SMIM31: variants seen among roughly 807,000 people sequenced by gnomAD.
SMIM31 encodes the protein small integral membrane protein 31.
chr4:164,768,699 A>G (rs919416159), intron 1 of SMIM31, among the ~76,000 whole-genome samples: 1 of 152,188 alleles, frequency 6.6e-6, no homozygotes, highest in Non-Finnish European at 1.5e-5. Context: ...TCCGACCTAT[A>G]GCACTTAAAA....
chr4:164,796,174 G>A (rs1243597802), intron 2 of SMIM31, among the ~76,000 whole-genome samples: 1 of 152,096 alleles, frequency 6.6e-6, no homozygotes, highest in Non-Finnish European at 1.5e-5. Flanking sequence ...TCTATTGGCC[G>A]GGTGGTGTTC....
chr4:164,757,752 C>G (rs911481458), intron 1 of SMIM31, among the ~76,000 whole-genome samples: 6 of 152,034 alleles, frequency 3.9e-5, no homozygotes, highest in African/African-American at 7.2e-5. Flanking sequence ...AATTTTGAAC[C>G]CTTTATTTAG....
At chr4:164,758,472 T>A (rs1732596036) in intron 1 of SMIM31, among the ~76,000 whole-genome samples, 1 of 152,108 alleles carries the variant, frequency 6.6e-6, no homozygotes, top group Admixed American at 6.5e-5. Flanking sequence ...CACCTTTAAG[T>A]ATGGTGTTAG....
At chr4:164,754,663 CTA>C (rs1484015437) in intron 1 of SMIM31, among the ~76,000 whole-genome samples, 4 of 132,654 alleles carry the variant, frequency 3.0e-5, no homozygotes, top group Admixed American at 1.7e-4. Context: ...TTCTCTTTTG[CTA>C]TGTTTGGTTT....
intron 2 of SMIM31, among the ~76,000 whole-genome samples, chr4:164,789,377 C>T (rs979773629): frequency 1.3e-5 from 2 of 152,196 alleles, no homozygotes; most frequent in African/African-American, 4.8e-5. Flanking sequence ...AAAAAAGTTT[C>T]TCAAATATCT....
rs918847779 is a variant in SMIM31, at chr4:164,778,585, C to G, written c.112+8030C>G. On this transcript the variant is annotated intron_variant, in intron 2 of 2. Transcript: ENST00000507311. ...TTGAGTGTTCACTGTCTGCCAAGCA[C>G]TTAACATATTTAAGCCTCCTTTCAT... 2.0e-5 allele frequency among the ~76,000 whole-genome samples: 3 copies of G among 152,180 alleles called. No individual in the cohort carries two copies. The East Asian group carries it at 5.8e-4, about 29-fold the overall frequency.
At chr4:164,793,448 C>T (rs1733132752) in intron 2 of SMIM31, among the ~76,000 whole-genome samples, 1 of 152,122 alleles carries the variant, frequency 6.6e-6, no homozygotes, top group Non-Finnish European at 1.5e-5. Flanking sequence ...TATTAGTCTG[C>T]CATAATAAAA....
At chr4:164,757,928 T>C (rs912540836) in intron 1 of SMIM31, among the ~76,000 whole-genome samples, 5 of 151,856 alleles carry the variant, frequency 3.3e-5, no homozygotes, top group Non-Finnish European at 7.4e-5. Flanking sequence ...GATCAGCTTA[T>C]CAATTTCTAC....
At chr4:164,772,365 G>A (rs532814777) in intron 2 of SMIM31, among the ~76,000 whole-genome samples, 78 of 152,204 alleles carry the variant, frequency 5.1e-4, no homozygotes, top group African/African-American at 1.4e-3. Context: ...CTCTCACCAG[G>A]CCCCACCTTC....
intron 2 of SMIM31, among the ~76,000 whole-genome samples, chr4:164,800,220 T>A (rs1476048522): frequency 1.3e-5 from 2 of 151,906 alleles, no homozygotes. Context: ...TTTTTCTTTT[T>A]CTTTTTTTTT....
chr4:164,777,781 G>A (rs906083729), intron 2 of SMIM31, among the ~76,000 whole-genome samples: 9 of 152,218 alleles, frequency 5.9e-5, no homozygotes, highest in Non-Finnish European at 1.2e-4. Flanking sequence ...GATGCACAGA[G>A]TTTTAGAGAA....
intron 2 of SMIM31, chr4:164,787,221 T>C (rs2110953157): frequency 6.6e-6 from 1 of 152,270 alleles, no homozygotes; most frequent in South Asian, 2.1e-4. Context: ...CTGGACAGCA[T>C]TTGGAGAGAT....
chr4:164,792,256 G>C (rs1371377003), intron 2 of SMIM31, among the ~76,000 whole-genome samples: 3 of 152,066 alleles, frequency 2.0e-5, no homozygotes, highest in East Asian at 1.9e-4. Context: ...TTTCTTGAAA[G>C]CTGTCTAAAA....
At chr4:164,786,532 G>T (rs1279244767) in intron 2 of SMIM31, among the ~76,000 whole-genome samples, 1 of 152,124 alleles carries the variant, frequency 6.6e-6, no homozygotes, top group Non-Finnish European at 1.5e-5. Flanking sequence ...GCTCACTTTT[G>T]AAAACATATT....
chr4:164,756,503 C>T (rs141013545), intron 1 of SMIM31, among the ~76,000 whole-genome samples: 1 of 151,060 alleles, frequency 6.6e-6, no homozygotes, highest in African/African-American at 2.4e-5. Flanking sequence ...ACCTGGGAGG[C>T]GGAGCTTGCA....
intron 2 of SMIM31, among the ~76,000 whole-genome samples, chr4:164,779,138 G>A (rs942882639): frequency 3.3e-5 from 5 of 152,098 alleles, no homozygotes; most frequent in East Asian, 1.9e-4. Flanking sequence ...TTCAACATTC[G>A]GGTATGTATG....
chr4:164,764,602 T>C (rs1008445546), intron 1 of SMIM31, among the ~76,000 whole-genome samples: 1 of 149,940 alleles, frequency 6.7e-6, no homozygotes, highest in South Asian at 2.1e-4. Flanking sequence ...AAAAATGTGG[T>C]GGGTGCTGTT....
At chr4:164,781,435 T>C (rs1383158228) in intron 2 of SMIM31, among the ~76,000 whole-genome samples, 1 of 152,178 alleles carries the variant, frequency 6.6e-6, no homozygotes, top group Non-Finnish European at 1.5e-5. Context: ...CTAATACATT[T>C]ATAAACCAGA....
At chr4:164,793,598 C>T (rs1045607585) in intron 2 of SMIM31, among the ~76,000 whole-genome samples, 5 of 152,168 alleles carry the variant, frequency 3.3e-5, no homozygotes, top group Admixed American at 6.5e-5. Context: ...CACTATATCG[C>T]TGTTTGCTTA....
Sources: gnomAD v4.1 joint callset for allele counts (sites outside exome capture counted in the v4.1 genomes callset) on GRCh38, gnomAD v4.1.1 for gene constraint, MANE v1.5 for transcripts, NCBI Gene and HGNC (gene_info 2026-07-23, HGNC 2026-07-21) for gene names.